Variants in CDH13 observed in about 807,000 individuals in gnomAD.
CDH13 encodes cadherin 13.
A neutral mutation model predicts 63.8 loss-of-function variants in CDH13; 24 were observed. The ratio of observed to expected loss-of-function variants is 0.38; its 90% confidence interval spans 0.27 to 0.53. The LOEUF (loss-of-function observed/expected upper bound fraction) is 0.53, where lower values mean the gene tolerates loss of function less well. CDH13 is among the 20% of genes least tolerant of loss of function. The pLI, the probability that CDH13 is intolerant of heterozygous loss-of-function variation, is 0.85. For synonymous variants in CDH13, 503 were observed against 355.3 expected (o/e 1.42, Z -4.67); for missense variants, 1,049 against 903.1 (o/e 1.16, Z -2.07).
intron 6 of CDH13, among the ~76,000 whole-genome samples, chr16:83,440,910 G>C (rs1411107298): frequency 6.6e-6 from 1 of 151,928 alleles, no homozygotes; most frequent in Non-Finnish European, 1.5e-5. Context: ...ACCCATGACT[G>C]TGACCTACCT....
At chr16:83,655,688 A>G (rs944040995) in intron 8 of CDH13, among the ~76,000 whole-genome samples, 3 of 152,346 alleles carry the variant, frequency 2.0e-5, no homozygotes, top group East Asian at 1.9e-4. Flanking sequence ...TGTCAGCTCC[A>G]TGAGGGCAGG....
intron 2 of CDH13, among the ~76,000 whole-genome samples, chr16:82,976,469 G>T (rs1474536522): frequency 6.6e-6 from 1 of 152,082 alleles, no homozygotes; most frequent in Non-Finnish European, 1.5e-5. Context: ...TTCCATCTTA[G>T]ATGCTTTTCC....
At chr16:83,096,161 C>T (rs1164401604) in intron 3 of CDH13, among the ~76,000 whole-genome samples, 1 of 152,162 alleles carries the variant, frequency 6.6e-6, no homozygotes, top group East Asian at 1.9e-4. Context: ...TTAGCCTGTA[C>T]CAGCTATCAT....
chr16:82,910,042 C>T (rs1012594620), intron 2 of CDH13, among the ~76,000 whole-genome samples: 12 of 152,118 alleles, frequency 7.9e-5, no homozygotes, highest in East Asian at 5.8e-4. Context: ...TAGTGGCATG[C>T]GACCCTTCTC....
At chr16:83,594,093 T>C (rs910035224) in intron 7 of CDH13, among the ~76,000 whole-genome samples, 1 of 152,216 alleles carries the variant, frequency 6.6e-6, no homozygotes, top group Non-Finnish European at 1.5e-5. Context: ...AAGATTTGTC[T>C]AAGGAAGGCT....
chr16:83,083,304 G>A (rs1425042131), intron 3 of CDH13, among the ~76,000 whole-genome samples: 1 of 152,130 alleles, frequency 6.6e-6, no homozygotes, highest in Non-Finnish European at 1.5e-5. Context: ...AAAGCATTAG[G>A]ACAATTTACA....
chr16:82,709,796 G>C (rs1165904984), intron 1 of CDH13, among the ~76,000 whole-genome samples: 1 of 152,142 alleles, frequency 6.6e-6, no homozygotes, highest in Non-Finnish European at 1.5e-5. Context: ...CTGTGGCAGA[G>C]AGAGAAGAGG....
At chr16:83,006,040 C>A (rs11644965) in intron 2 of CDH13, among the ~76,000 whole-genome samples, 64,791 of 152,036 alleles carry the variant, frequency 0.43, 14,070 homozygotes, top group Non-Finnish European at 0.47. Context: ...TTCAGATTCA[C>A]CATTACATTT....
At position 82,842,091 on chromosome 16, in the gene CDH13, CATAT is replaced by C. The variant is rs1186963516; in HGVS notation, c.46-16254_46-16251del. Among the ~76,000 whole-genome samples the C allele has an allele frequency of 7.4e-3, 308 of 41,682 alleles. 19 individuals are homozygous for C. The highest frequency in any genetic ancestry group is 0.02 in the African/African-American group (297 of 14,832). 27.3% of individuals were successfully genotyped at this position (41,682 alleles called of 152,430 possible). A position where few individuals can be genotyped will look rare whatever the true frequency, so the allele number is the denominator to read the frequency against. On this transcript the variant is annotated intron_variant, in intron 1 of 13. Transcript: ENST00000567109. ...AAATCTGAGCCAGTCTTGCATTCTA[CATAT>C]ATATATATATATATATGTATATATA...
chr16:83,385,012 G>T (rs1010612728), intron 6 of CDH13, among the ~76,000 whole-genome samples: 3 of 152,192 alleles, frequency 2.0e-5, no homozygotes, highest in Non-Finnish European at 4.4e-5. Context: ...AAGATGGTTG[G>T]CAAACAGCAG....
At chr16:82,638,030 T>C (rs1020346970) in intron 1 of CDH13, among the ~76,000 whole-genome samples, 1 of 152,240 alleles carries the variant, frequency 6.6e-6, no homozygotes, top group African/African-American at 2.4e-5. Flanking sequence ...TAGGAAGCAG[T>C]AGAGGCTGAA....
At position 82,895,351 on chromosome 16, in the gene CDH13, C is replaced by G. The variant is rs559397633; in HGVS notation, c.157+36878C>G. On this transcript the variant is annotated intron_variant, in intron 2 of 13. Coordinates refer to ENST00000567109, the MANE Select transcript of CDH13 (RefSeq NM_001257.5). ...TTGTTACCCTCCCTCCTTCATCACA[C>G]TTAGGCTCAAACACAAATTTGCCAC... Among the ~76,000 whole-genome samples the G allele has an allele frequency of 1.1e-4, 17 of 152,324 alleles. 1 individual carries two copies. Among genetic ancestry groups the G allele is most frequent in the Non-Finnish European group, 1.6e-4 (11 of 68,028 alleles).
chr16:82,900,742 C>G (rs557948578), intron 2 of CDH13, among the ~76,000 whole-genome samples: 1 of 152,174 alleles, frequency 6.6e-6, no homozygotes, highest in Non-Finnish European at 1.5e-5. Flanking sequence ...AGTGCTAAGG[C>G]AGGTGATATT....
chr16:83,271,147 A>G (rs79291888), intron 5 of CDH13, among the ~76,000 whole-genome samples: 11 of 152,104 alleles, frequency 7.2e-5, no homozygotes, highest in African/African-American at 2.2e-4. Context: ...GGTTTTGACC[A>G]CTGATACATG....
intron 8 of CDH13, among the ~76,000 whole-genome samples, chr16:83,657,935 C>G (rs1033941478): frequency 1.3e-5 from 2 of 148,464 alleles, no homozygotes; most frequent in South Asian, 2.1e-4. Context: ...ATGTCCCCAC[C>G]ACCAGGTCCC....
chr16:82,721,022 G>A (rs1413408706), intron 1 of CDH13, among the ~76,000 whole-genome samples: 1 of 152,162 alleles, frequency 6.6e-6, no homozygotes, highest in Non-Finnish European at 1.5e-5. Context: ...ATAATTACTG[G>A]CACAAAACAT....
At chr16:82,883,675 C>T (rs2040783480) in intron 2 of CDH13, among the ~76,000 whole-genome samples, 1 of 152,152 alleles carries the variant, frequency 6.6e-6, no homozygotes, top group African/African-American at 2.4e-5. Flanking sequence ...GCATCTTGCT[C>T]ACAGAGCTGC....
intron 4 of CDH13, among the ~76,000 whole-genome samples, chr16:83,177,826 C>T (rs1355124627): frequency 6.6e-6 from 1 of 152,154 alleles, no homozygotes; most frequent in Non-Finnish European, 1.5e-5. Flanking sequence ...AAGCACTTAC[C>T]ACAATGATAA....
At chr16:82,668,364 T>G (rs1283428764) in intron 1 of CDH13, among the ~76,000 whole-genome samples, 1 of 152,098 alleles carries the variant, frequency 6.6e-6, no homozygotes, top group African/African-American at 2.4e-5. Context: ...ACATATTGCC[T>G]AAGCTGTTAT....
Sources: allele counts gnomAD v4.1 joint callset (sites outside exome capture counted in the v4.1 genomes callset), GRCh38; gene constraint gnomAD v4.1.1; transcripts MANE v1.5; gene names NCBI Gene and HGNC (gene_info 2026-07-23, HGNC 2026-07-21).